Variants in PHKG2 observed in about 807,000 individuals in gnomAD.
PHKG2 encodes the protein phosphorylase b kinase gamma catalytic chain, liver/testis isoform.
A neutral mutation model predicts 44.5 loss-of-function variants in PHKG2; 28 were observed. The observed-to-expected ratio is 0.63, with a 90% CI of 0.47 to 0.86. The LOEUF (loss-of-function observed/expected upper bound fraction) is 0.86, where lower values mean the gene tolerates loss of function less well. PHKG2 is among the 40% of genes least tolerant of loss of function. The probability of loss-of-function intolerance (pLI) is 0.00; values close to 1 mark genes in which losing one functional copy is unlikely to be tolerated. For synonymous variants in PHKG2, 220 were observed against 211.2 expected (o/e 1.04, Z -0.36); for missense variants, 498 against 547.5 (o/e 0.91, Z 0.90).
rs1487128693 is a variant in PHKG2, at chr16:30,748,691, C to A, written c.-18-112C>A. ...GGTCCTTCCCCCACCCCCCCCCACCCCCCAGGACCCTGGCGCCCCAGCTGC... is the reference window on the plus strand; with the variant it reads ...GGTCCTTCCCCCACCCCCCCCCACCACCCAGGACCCTGGCGCCCCAGCTGC... On this transcript the variant is annotated intron_variant, in intron 1 of 9. Coordinates refer to ENST00000563588, the MANE Select transcript of PHKG2 (RefSeq NM_000294.3). 47 of 439,722 alleles carry A rather than the reference C, an allele frequency of 1.1e-4. 4 individuals carry two copies. Among genetic ancestry groups the A allele is most frequent in the African/African-American group, 8.5e-4 (42 of 49,232 alleles). 27.2% of individuals were successfully genotyped at this position (439,722 alleles called of 1,614,324 possible).
At position 30,757,380 on chromosome 16, in the gene PHKG2, C is replaced by G. The variant is rs1008500419; in HGVS notation, c.*283C>G. The G allele has an allele frequency of 3.2e-6, 5 of 1,544,344 alleles. No individual in the cohort carries two copies. Among genetic ancestry groups the G allele is most frequent in the Admixed American group, 3.9e-5 (2 of 51,096 alleles). On this transcript the variant is annotated 3_prime_UTR_variant, in exon 10 of 10. Transcript: ENST00000563588. ...GCCAGGGAGAACAGGTGTCCTGTGTCTGTCTGGCTTGGGCAGGAAAGCCCA... is the reference window on the plus strand; with the variant it reads ...GCCAGGGAGAACAGGTGTCCTGTGTGTGTCTGGCTTGGGCAGGAAAGCCCA...
intron 6 of PHKG2, chr16:30,755,090 A>G: frequency 2.8e-6 from 1 of 356,168 alleles, no homozygotes; most frequent in South Asian, 2.1e-5. Flanking sequence ...AAAAATACAG[A>G]CTTGAGCCAA....
chr16:30,755,429 GCA>G (rs2053404738), intron 6 of PHKG2, among the ~76,000 whole-genome samples: 1 of 152,142 alleles, frequency 6.6e-6, no homozygotes, highest in South Asian at 2.1e-4. Context: ...TGTAATCCCA[GCA>G]CTTTGGGAGC....
At position 30,760,750 on chromosome 16, in the gene PHKG2, G is replaced by C. The variant is rs2053712059; in HGVS notation, c.*3653G>C. The C allele has an allele frequency of 3.1e-6, 4 of 1,299,612 alleles. No homozygotes were observed. Among genetic ancestry groups the C allele is most frequent in the Middle Eastern group, 1.8e-4 (1 of 5,490 alleles). The allele number at this position is 1,299,612 out of a possible 1,614,324, so 80.5% of individuals were successfully genotyped here. ...TGACAGCTAGTGCGTGAGACTGGGA[G>C]TTGGCCACCGGCGTGAAGCTGGGCT... On this transcript the variant is annotated 3_prime_UTR_variant, in exon 10 of 10. Transcript: ENST00000563588.
chr16:30,750,148 G>A (rs980496489), intron 2 of PHKG2, among the ~76,000 whole-genome samples: 2 of 152,094 alleles, frequency 1.3e-5, no homozygotes, highest in Non-Finnish European at 2.9e-5. Context: ...AGAGTAGGAA[G>A]TGTTGTGGAA....
intron 6 of PHKG2, among the ~76,000 whole-genome samples, chr16:30,754,170 CTTT>C (rs200524054): frequency 1.4e-5 from 2 of 141,218 alleles, no homozygotes; most frequent in Non-Finnish European, 3.1e-5. Context: ...TTTCTTTTTT[CTTT>C]TTTTTTTTTT....
At position 30,759,037 on chromosome 16, in the gene PHKG2, T is replaced by C. The variant is rs1388871195; in HGVS notation, c.*1940T>C. On this transcript the variant is annotated 3_prime_UTR_variant, in exon 10 of 10. Transcript: ENST00000563588. ...TTGGCTCTGGCTCTGGTGGGGCCAC[T>C]GTCTCTAGTTCCTCTTTCTGCGGGG... The C allele has an allele frequency of 1.2e-6, 2 of 1,614,246 alleles. No homozygotes were observed. The highest frequency in any genetic ancestry group is 2.2e-5 in the East Asian group (1 of 44,888).
At position 30,757,512 on chromosome 16, in the gene PHKG2, C is replaced by G; in HGVS notation, c.*415C>G. 1.9e-6 allele frequency: 3 copies of G among 1,614,090 alleles called. No homozygotes were observed. Among genetic ancestry groups the G allele is most frequent in the Non-Finnish European group, 2.5e-6 (3 of 1,179,980 alleles). ...TGCTCTTGCCTTTACCCGGAGGTAG[C>G]TGGAAGGGCCGCTCTAGTGCAGTCA... On this transcript the variant is annotated 3_prime_UTR_variant, in exon 10 of 10. Transcript: ENST00000563588.
In PHKG2 at chr16:30,751,166, G is replaced by A. The variant is rs763340630; in HGVS notation, c.156G>A (p.Val52=). Residue 52 remains valine, a synonymous_variant, in exon 3 of 10, where the codon GTG becomes GTA. Transcript: ENST00000563588. ...GAGCTACTGGCCACGAGTTTGCGGT[G>A]AAGATTATGGAAGTGACAGCTGAGC... ...VHRATGHEFA[V]KIMEVTAERL... 3 of 1,614,028 alleles carry A rather than the reference G, an allele frequency of 1.9e-6. No homozygotes were observed. The East Asian group carries it at 6.7e-5, about 36-fold the overall frequency.
rs2053620951 is a variant in PHKG2, at chr16:30,759,828, C to A, written c.*2731C>A. 6.7e-7 allele frequency: 1 copy of A among 1,496,598 alleles called. No homozygotes were observed. The highest frequency in any genetic ancestry group is 8.9e-7 in the Non-Finnish European group (1 of 1,126,970). 92.7% of individuals were successfully genotyped at this position (1,496,598 alleles called of 1,614,324 possible). On this transcript the variant is annotated 3_prime_UTR_variant, in exon 10 of 10. Coordinates refer to ENST00000563588, the MANE Select transcript of PHKG2 (RefSeq NM_000294.3). ...CCATGAGCTTCAGAAGCAGACAGAT[C>A]TGGGTTTCAGCACTGGCTTGTTTCC...
At chr16:30,748,755 CAG>C in intron 1 of PHKG2, 46 bp from the exon 2 acceptor site, 1 of 1,130,556 alleles carries the variant, frequency 8.8e-7, no homozygotes, top group Admixed American at 2.2e-5. Context: ...CGGGTCGTCT[CAG>C]AGCCTGTGGG....
In PHKG2 at chr16:30,751,614, C is replaced by T. The variant is rs1280511844; in HGVS notation, c.326+11C>T. Reference sequence around the variant, plus strand: ...CCTGGTGTTTGACCTGTGAGTATCTCCCTGCCACCATCTGAGAAGCCTCCT... The same window carrying T: ...CCTGGTGTTTGACCTGTGAGTATCTTCCTGCCACCATCTGAGAAGCCTCCT... On this transcript the variant is annotated intron_variant, in intron 4 of 9. Coordinates refer to ENST00000563588, the MANE Select transcript of PHKG2 (RefSeq NM_000294.3). 3 of 1,609,904 alleles carry T rather than the reference C, an allele frequency of 1.9e-6. No individual in the cohort carries two copies. The highest frequency in any genetic ancestry group is 2.2e-5 in the East Asian group (1 of 44,876).
At position 30,756,884 on chromosome 16, in the gene PHKG2, G is replaced by T. The variant is rs1469968614; in HGVS notation, c.1008G>T (p.Leu336=). The T allele has an allele frequency of 2.0e-5, 32 of 1,614,050 alleles. No individual in the cohort carries two copies. Among genetic ancestry groups the T allele is most frequent in the Non-Finnish European group, 2.6e-5 (31 of 1,180,048 alleles). The change falls in exon 10 of 10, where the codon CTG becomes CTT. Residue 336 remains leucine (L), a synonymous_variant. Transcript: ENST00000563588. ...HRVRPLTKNA[L]LRDPYALRSV... ...TACGGCCACTGACCAAGAATGCACT[G>T]TTGAGGGACCCTTATGCGCTGCGGT...
At chr16:30,750,953 T>C (rs2053335602) in intron 2 of PHKG2, among the ~76,000 whole-genome samples, 153 bp from the exon 3 acceptor site, 1 of 152,240 alleles carries the variant, frequency 6.6e-6, no homozygotes, top group South Asian at 2.1e-4. Flanking sequence ...CTGAGGCTGC[T>C]GTGAAGCCAG....
chr16:30,750,192 A>G (rs577091481), intron 2 of PHKG2, among the ~76,000 whole-genome samples: 1 of 152,190 alleles, frequency 6.6e-6, no homozygotes, highest in South Asian at 2.1e-4. Context: ...TGATGTATGA[A>G]TTCAGATTTG....
In PHKG2 at chr16:30,761,014, T is replaced by TCTC. The variant is rs1241328177; in HGVS notation, c.*3918_*3920dup. On this transcript the variant is annotated 3_prime_UTR_variant, in exon 10 of 10. Transcript: ENST00000563588. The stretch of plus-strand genomic sequence containing the variant: ...TACATTCTGTCTTTGGCTCTTTTTT[T>TCTC]CTCACACTGCCTCCTCTTTGGACTG... 1.5e-6 allele frequency: 1 copy of TCTC among 663,898 alleles called. No individual in the cohort carries two copies. The allele number at this position is 663,898 out of a possible 1,614,324, so 41.1% of individuals were successfully genotyped here.
At chr16:30,755,087 C>G (rs1300094062) in intron 6 of PHKG2, 1 of 357,004 alleles carries the variant, frequency 2.8e-6, no homozygotes, top group Non-Finnish European at 5.7e-6. Context: ...ACTAAAAATA[C>G]AGACTTGAGC....
intron 4 of PHKG2, 49 bp from the exon 5 acceptor site, chr16:30,753,183 A>G (rs1438113688): frequency 7.0e-7 from 1 of 1,434,738 alleles, no homozygotes; most frequent in South Asian, 1.1e-5. Context: ...CTGTTTTCTC[A>G]GCCCCCACTG....
chr16:30,760,582 TCCCACGCCCCCCTCAG>T lies in PHKG2; in HGVS notation c.*3486_*3501del, dbSNP rs1335193677. 1 of 1,564,614 alleles carries T rather than the reference TCCCACGCCCCCCTCAG, an allele frequency of 6.4e-7. No individual in the cohort carries two copies. Among genetic ancestry groups the T allele is most frequent in the African/African-American group, 1.4e-5 (1 of 73,604 alleles). ...CCCCTCAGCCTTTGCCAAGAGCTCTTCCCACGCCCCCCTCAGTCCCTACTCCCTCATCTCAGCATTG... is the reference window on the plus strand; with the variant it reads ...CCCCTCAGCCTTTGCCAAGAGCTCTTTCCCTACTCCCTCATCTCAGCATTG... On this transcript the variant is annotated 3_prime_UTR_variant, in exon 10 of 10. Transcript: ENST00000563588.
Sources: allele counts gnomAD v4.1 joint callset (sites outside exome capture counted in the v4.1 genomes callset), GRCh38; gene constraint gnomAD v4.1.1; transcripts MANE v1.5; gene names NCBI Gene and HGNC (gene_info 2026-07-23, HGNC 2026-07-21).